MAP2K1: variants seen among roughly 807,000 people sequenced by gnomAD.
MAP2K1 encodes dual specificity mitogen-activated protein kinase kinase 1.
A neutral mutation model predicts 46.3 loss-of-function variants in MAP2K1; 16 were observed. That is an observed-to-expected ratio of 0.35 (90% CI 0.23 to 0.52). The LOEUF (loss-of-function observed/expected upper bound fraction) is 0.52, where lower values mean the gene tolerates loss of function less well. Ranked by LOEUF, MAP2K1 falls within the 20% of genes least tolerant of loss-of-function variation. The probability of loss-of-function intolerance (pLI) is 0.94; values close to 1 mark genes in which losing one functional copy is unlikely to be tolerated. For synonymous variants in MAP2K1, 183 were observed against 185.6 expected (o/e 0.99, Z 0.11); for missense variants, 263 against 497.1 (o/e 0.53, Z 4.48).
chr15:66,402,783 A>G (rs1455058668), intron 1 of MAP2K1, among the ~76,000 whole-genome samples: 1 of 152,154 alleles, frequency 6.6e-6, no homozygotes, highest in East Asian at 1.9e-4. Flanking sequence ...TTGAATATAT[A>G]TGCATTTGTA....
intron 1 of MAP2K1, chr15:66,401,803 A>T: frequency 1.9e-6 from 1 of 524,992 alleles, no homozygotes; most frequent in Non-Finnish European, 3.7e-6. Context: ...CTAGGATTCC[A>T]TGGGAATGGA....
intron 1 of MAP2K1, among the ~76,000 whole-genome samples, chr15:66,420,807 A>ATATATATATGTGTG (rs1567003137): frequency 3.0e-5 from 3 of 99,294 alleles, no homozygotes; most frequent in African/African-American, 1.0e-4. Flanking sequence ...ATATATGTGT[A>ATATATATATGTGTG]TATATATGTG....
At chr15:66,449,071 G>A (rs1891962468) in intron 5 of MAP2K1, among the ~76,000 whole-genome samples, 2 of 149,276 alleles carry the variant, frequency 1.3e-5, no homozygotes, top group Admixed American at 6.7e-5. Flanking sequence ...AACCATTTTG[G>A]AAAACAGGTA....
At chr15:66,458,634 A>G (rs1471803402) in intron 5 of MAP2K1, among the ~76,000 whole-genome samples, 1 of 152,166 alleles carries the variant, frequency 6.6e-6, no homozygotes, top group African/African-American at 2.4e-5. Flanking sequence ...CTCTCACCTC[A>G]GCCTTCTGAG....
chr15:66,463,034 A>G (rs1002857259), intron 5 of MAP2K1, among the ~76,000 whole-genome samples: 3 of 152,192 alleles, frequency 2.0e-5, no homozygotes, highest in African/African-American at 4.8e-5. Context: ...GTGTGTATCA[A>G]GTCCATCCCA....
At chr15:66,423,086 C>T (rs959508573) in intron 1 of MAP2K1, among the ~76,000 whole-genome samples, 1 of 152,248 alleles carries the variant, frequency 6.6e-6, no homozygotes, top group Admixed American at 6.5e-5. Flanking sequence ...CAAGCATGAG[C>T]CACCGTGCCC....
At chr15:66,458,407 CA>C (rs983254601) in intron 5 of MAP2K1, among the ~76,000 whole-genome samples, 19 of 152,230 alleles carry the variant, frequency 1.2e-4, no homozygotes, top group African/African-American at 4.6e-4. Context: ...ATGTTAACAA[CA>C]GTTTTAAATT....
At chr15:66,423,030 G>A (rs879649768) in intron 1 of MAP2K1, among the ~76,000 whole-genome samples, 9 of 151,828 alleles carry the variant, frequency 5.9e-5, no homozygotes, top group Admixed American at 3.3e-4. Flanking sequence ...CAAACTCTGG[G>A]CCTCAAGTGG....
chr15:66,489,908 C>T (rs919052153), intron 10 of MAP2K1, 145 bp downstream of exon 10: 36 of 779,618 alleles, frequency 4.6e-5, no homozygotes, highest in Non-Finnish European at 9.1e-6. Context: ...TACCAAACAC[C>T]AGTCTCCTTT....
chr15:66,415,069 C>A, intron 1 of MAP2K1: 1 of 505,274 alleles, frequency 2.0e-6, no homozygotes, highest in Admixed American at 2.0e-5. Context: ...CTTGTAGTAC[C>A]AGTAATAACC....
intron 3 of MAP2K1, among the ~76,000 whole-genome samples, chr15:66,441,380 G>A (rs1178167198): frequency 6.6e-6 from 1 of 152,166 alleles, no homozygotes; most frequent in African/African-American, 2.4e-5. Context: ...TCAGTTGAGA[G>A]GTAGTGCTGG....
intron 5 of MAP2K1, among the ~76,000 whole-genome samples, chr15:66,468,997 C>T (rs1248371211): frequency 6.7e-6 from 1 of 148,920 alleles, no homozygotes; most frequent in Non-Finnish European, 1.5e-5. Context: ...GTGGCTCATG[C>T]CTGTAACCTC....
At chr15:66,421,119 CACACACATAT>C (rs1173955943) in intron 1 of MAP2K1, among the ~76,000 whole-genome samples, 10 of 82,684 alleles carry the variant, frequency 1.2e-4, no homozygotes, top group African/African-American at 2.8e-4. Context: ...CACACACACA[CACACACATAT>C]ATATATATAT....
At chr15:66,465,290 A>G (rs1892433555) in intron 5 of MAP2K1, among the ~76,000 whole-genome samples, 1 of 152,100 alleles carries the variant, frequency 6.6e-6, no homozygotes, top group Non-Finnish European at 1.5e-5. Context: ...CCAACAACCA[A>G]GCTCCCCAAA....
intron 1 of MAP2K1, among the ~76,000 whole-genome samples, chr15:66,400,722 C>A (rs1420937326): frequency 6.6e-6 from 1 of 152,114 alleles, no homozygotes; most frequent in Non-Finnish European, 1.5e-5. Context: ...TTTGAAATAG[C>A]AGGTGTTTTC....
At chr15:66,424,391 T>G (rs934204160) in intron 1 of MAP2K1, among the ~76,000 whole-genome samples, 22 of 152,190 alleles carry the variant, frequency 1.4e-4, no homozygotes, top group African/African-American at 5.3e-4. Context: ...ATTTTGGATA[T>G]TATGTGGTAG....
intron 5 of MAP2K1, among the ~76,000 whole-genome samples, chr15:66,455,143 G>C (rs1892134488): frequency 6.6e-6 from 1 of 152,160 alleles, no homozygotes; most frequent in Non-Finnish European, 1.5e-5. Flanking sequence ...TGCCTCTGAA[G>C]AATCCACTCT....
chr15:66,444,531 C>T, intron 4 of MAP2K1, 125 bp from the exon 5 acceptor site: 1 of 755,480 alleles, frequency 1.3e-6, no homozygotes, highest in East Asian at 2.7e-5. Flanking sequence ...GAAACTGCGT[C>T]TCAAAGGAGG....
Position 66,490,947 on chromosome 15 carries a change from A to C in MAP2K1, c.*332A>C. On this transcript the variant is annotated 3_prime_UTR_variant, in exon 11 of 11. Coordinates refer to ENST00000307102, the MANE Select transcript of MAP2K1 (RefSeq NM_002755.4). The stretch of plus-strand genomic sequence containing the variant: ...ACAATTGCACTGCTGTTCCTGCTCC[A>C]TGACTGGCTGTCTGCCTGTATTTTC... The C allele has an allele frequency of 2.2e-6, 1 of 447,302 alleles. No individual in the cohort carries two copies. The highest frequency in any genetic ancestry group is 4.1e-6 in the Non-Finnish European group (1 of 241,648). 27.7% of individuals were successfully genotyped at this position (447,302 alleles called of 1,614,324 possible).
Sources: gnomAD v4.1 joint callset for allele counts (sites outside exome capture counted in the v4.1 genomes callset) on GRCh38, gnomAD v4.1.1 for gene constraint, MANE v1.5 for transcripts, NCBI Gene and HGNC (gene_info 2026-07-23, HGNC 2026-07-21) for gene names.